ABAT: variants seen among roughly 807,000 people sequenced by gnomAD.
ABAT encodes the protein 4-aminobutyrate aminotransferase, mitochondrial.
ABAT carries 45 observed loss-of-function variants against 64.6 expected under a neutral mutation model. The ratio of observed to expected loss-of-function variants is 0.70; its 90% CI spans 0.55 to 0.89. ABAT has a LOEUF of 0.89. Among genes scored for constraint, ABAT ranks in the 40% least tolerant of loss-of-function variants. ABAT has a pLI of 0.00. For synonymous variants in ABAT, 297 were observed against 250.5 expected (o/e 1.19, Z -1.75); for missense variants, 633 against 658.4 (o/e 0.96, Z 0.42).
At chr16:8,756,880 C>T (rs116836792) in intron 5 of ABAT, among the ~76,000 whole-genome samples, 179 of 152,228 alleles carry the variant, frequency 1.2e-3, no homozygotes, top group African/African-American at 3.9e-3. Flanking sequence ...TTGCTGAATC[C>T]GAGTGTGCTA....
chr16:8,713,876 ATG>A (rs1411851753), intron 1 of ABAT: 2 of 456,002 alleles, frequency 4.4e-6, no homozygotes, highest in Non-Finnish European at 8.8e-6. Flanking sequence ...GTGAGTGCAA[ATG>A]TGTATGTGTG....
rs1179129761 is a variant in ABAT, at chr16:8,764,200, GGAA to G, written c.447+53_447+55del. 2.0e-6 allele frequency: 3 copies of G among 1,507,378 alleles called. No homozygotes were observed. The highest frequency in any genetic ancestry group is 2.8e-6 in the Non-Finnish European group (3 of 1,085,556). The allele number at this position is 1,507,378 out of a possible 1,614,324, so 93.4% of individuals were successfully genotyped here. On this transcript the variant is annotated intron_variant, in intron 7 of 15. Transcript: ENST00000268251. This position sits in a 1 kb window ranked among gnomAD's most constrained non-coding sequence, Gnocchi z 4.2. ...TGTCTTCAGACGTGGTACTGGCAGG[GGAA>G]GGGAAAAGTGGAGACGCCAACAATG... is the stretch of plus-strand genomic sequence containing the variant.
chr16:8,752,746 C>T (rs1395597846), intron 5 of ABAT, among the ~76,000 whole-genome samples: 1 of 152,102 alleles, frequency 6.6e-6, no homozygotes, highest in Non-Finnish European at 1.5e-5. Flanking sequence ...CAGCCTGAGG[C>T]AACAGTGCAA....
intron 1 of ABAT, among the ~76,000 whole-genome samples, chr16:8,726,512 T>C (rs2058561958): frequency 6.6e-6 from 1 of 152,174 alleles, no homozygotes; most frequent in Admixed American, 6.6e-5. Flanking sequence ...CCCAAAGTGC[T>C]GGGATTACAG....
chr16:8,764,696 G>A lies in ABAT; in HGVS notation c.448-42G>A. 1 of 1,576,850 alleles carries A rather than the reference G, an allele frequency of 6.3e-7. No homozygotes were observed. The stretch of plus-strand genomic sequence containing the variant: ...AGCCAGGGGAAGCGGGAGGACAGGA[G>A]TCATGATGAGCCTGGGCTCACGGCT... On this transcript the variant is annotated intron_variant, in intron 7 of 15. Coordinates refer to ENST00000268251, the MANE Select transcript of ABAT (RefSeq NM_020686.6). The surrounding 1 kb of genome is among the most constrained non-coding windows in gnomAD (Gnocchi z 4.2).
chr16:8,774,852 G>C (rs375175776), intron 12 of ABAT, 38 bp from the exon 13 acceptor site: 2 of 1,611,654 alleles, frequency 1.2e-6, no homozygotes, highest in Non-Finnish European at 1.7e-6. Flanking sequence ...GGCCTCCCAC[G>C]GGTGTTTATT....
At chr16:8,753,726 T>A (rs1233144954) in intron 5 of ABAT, among the ~76,000 whole-genome samples, 1 of 152,262 alleles carries the variant, frequency 6.6e-6, no homozygotes, top group South Asian at 2.1e-4. Context: ...TACTTTTCAG[T>A]CTTGGGGCCA....
rs1363409589 is a variant in ABAT, at chr16:8,674,728, G to C, written c.-42+17G>C. The C allele has an allele frequency of 6.6e-6, 1 of 152,288 alleles. No homozygotes were observed. 9.4% of individuals were successfully genotyped at this position (152,288 alleles called of 1,614,324 possible). ...GGCCTGGAGGTGAGCGCGAGGCGCC[G>C]GGTGGCTTGGGACGGGCCCTTCCGA... is the stretch of plus-strand genomic sequence containing the variant. On this transcript the variant is annotated intron_variant, in intron 1 of 15. Coordinates refer to ENST00000268251, the MANE Select transcript of ABAT (RefSeq NM_020686.6).
rs552895445 is a variant in ABAT, at chr16:8,713,668, C to G, written c.-41-22031C>G. 7.9e-4 allele frequency: 263 copies of G among 333,274 alleles called. 1 individual carries two copies. Among genetic ancestry groups the G allele is most frequent in the African/African-American group, 5.3e-3 (248 of 46,434 alleles). 20.6% of individuals were successfully genotyped at this position (333,274 alleles called of 1,614,324 possible). On this transcript the variant is annotated intron_variant, in intron 1 of 15. Coordinates refer to ENST00000268251, the MANE Select transcript of ABAT (RefSeq NM_020686.6). Reference sequence around the variant, plus strand: ...TGCTCTGCTTCCAAGGGGCCCTTTTCTGTCTCCTCCACCTGTCCCCATGTT... The same window carrying G: ...TGCTCTGCTTCCAAGGGGCCCTTTTGTGTCTCCTCCACCTGTCCCCATGTT...
At chr16:8,686,181 C>T (rs2141944608) in intron 1 of ABAT, among the ~76,000 whole-genome samples, 1 of 152,362 alleles carries the variant, frequency 6.6e-6, no homozygotes. Flanking sequence ...AAATAGCACT[C>T]TGCTGGCTTC....
intron 2 of ABAT, among the ~76,000 whole-genome samples, chr16:8,745,197 G>A (rs916912473): frequency 6.6e-6 from 1 of 152,104 alleles, no homozygotes; most frequent in Non-Finnish European, 1.5e-5. Context: ...GCCCAAGCTG[G>A]TCGTGAACTT....
intron 1 of ABAT, among the ~76,000 whole-genome samples, chr16:8,705,012 CATAGAACT>C (rs1465946616): frequency 1.3e-5 from 2 of 152,210 alleles, no homozygotes; most frequent in African/African-American, 4.8e-5. Flanking sequence ...CATCTCTGAG[CATAGAACT>C]ATTCCTTCAT....
At chr16:8,736,218 C>A in intron 2 of ABAT, 1 of 168,278 alleles carries the variant, frequency 5.9e-6, no homozygotes, top group Non-Finnish European at 1.1e-5. Context: ...ATTCAATTAC[C>A]TCCCACTGGG....
intron 1 of ABAT, among the ~76,000 whole-genome samples, chr16:8,727,925 G>A (rs1309036641): frequency 6.6e-6 from 1 of 152,070 alleles, no homozygotes; most frequent in African/African-American, 2.4e-5. Flanking sequence ...AAAAAAATTA[G>A]CCAGGCATGA....
chr16:8,765,038 C>T, intron 8 of ABAT, among the ~76,000 whole-genome samples: 1 of 152,046 alleles, frequency 6.6e-6, no homozygotes, highest in Non-Finnish European at 1.5e-5. Flanking sequence ...GGCATCAAAA[C>T]TATGCAATGG....
intron 1 of ABAT, among the ~76,000 whole-genome samples, chr16:8,705,268 G>A (rs2057913916): frequency 6.6e-6 from 1 of 152,136 alleles, no homozygotes; most frequent in South Asian, 2.1e-4. Flanking sequence ...AGGAGAGAGA[G>A]AGAGAGAGCA....
chr16:8,772,686 A>C, intron 11 of ABAT, 94 bp from the exon 12 acceptor site: 1 of 1,539,874 alleles, frequency 6.5e-7, no homozygotes, highest in Non-Finnish European at 9.0e-7. Context: ...TTTCCAATAA[A>C]ATTGCATGGG....
intron 1 of ABAT, chr16:8,720,771 G>A (rs1449616278): frequency 2.0e-5 from 3 of 152,300 alleles, no homozygotes; most frequent in Non-Finnish European, 4.4e-5. Flanking sequence ...AGACGGGAAA[G>A]GAATGTCCTC....
At chr16:8,763,639 A>G (rs2059858832) in intron 6 of ABAT, among the ~76,000 whole-genome samples, 1 of 152,190 alleles carries the variant, frequency 6.6e-6, no homozygotes, top group Non-Finnish European at 1.5e-5. Flanking sequence ...CCTGGCCTCA[A>G]GCAATCCATC....
Sources: allele counts gnomAD v4.1 joint callset (sites outside exome capture counted in the v4.1 genomes callset), GRCh38; gene constraint gnomAD v4.1.1; non-coding constraint Gnocchi (gnomAD v3.1); transcripts MANE v1.5; gene names NCBI Gene and HGNC (gene_info 2026-07-23, HGNC 2026-07-21).